The following VWDE variants were observed in gnomAD, a reference collection of about 807,000 sequenced individuals.
VWDE encodes the protein von Willebrand factor D and EGF domains.
Under a neutral mutation model 178.4 loss-of-function variants are expected in VWDE, and 207 were observed. That is an observed-to-expected ratio of 1.16 (90% CI 1.04 to 1.30). The LOEUF (loss-of-function observed/expected upper bound fraction) is 1.30, where lower values mean the gene tolerates loss of function less well. Ranked by LOEUF, VWDE falls within the 50% of genes most tolerant of loss-of-function variation. The probability of loss-of-function intolerance (pLI) is 0.00; values close to 1 mark genes in which losing one functional copy is unlikely to be tolerated. For missense variants in VWDE, 2,287 were observed against 1,901.3 expected (o/e 1.20, Z -3.77); for synonymous variants, 738 against 651.4 (o/e 1.13, Z -2.02).
Position 12,370,461 on chromosome 7 carries a change from T to A in VWDE, c.1845A>T (p.Thr615=). The A allele has an allele frequency of 6.5e-7, 1 of 1,542,602 alleles. No homozygotes were observed. The highest frequency in any genetic ancestry group is 8.7e-7 in the Non-Finnish European group (1 of 1,146,630). ...TACAATAGGATGGCTTTCCAGGTGA[T>A]GTCATAGAAACTGGCAGTGTGTCAG... The part of the protein sequence containing the change: ...SMSDTLPVSM[T]SPGKPSYCSC... Residue 615 remains threonine, a synonymous_variant, in exon 12 of 29, where the codon ACA becomes ACT. Coordinates refer to ENST00000275358, the MANE Select transcript of VWDE (RefSeq NM_001135924.3).
At chr7:12,359,714 A>G in intron 15 of VWDE, 22 bp from the exon 16 acceptor site, 2 of 1,445,630 alleles carry the variant, frequency 1.4e-6, no homozygotes, top group South Asian at 1.3e-5. Flanking sequence ...TTTTTAAAAA[A>G]GAAAACATCA....
At chr7:12,376,073 TA>T (rs1783513541) in intron 7 of VWDE, among the ~76,000 whole-genome samples, 1 of 152,116 alleles carries the variant, frequency 6.6e-6, no homozygotes, top group Admixed American at 6.6e-5. Flanking sequence ...GAAGTTATAT[TA>T]ATCAGATATA....
intron 1 of VWDE, among the ~76,000 whole-genome samples, chr7:12,403,378 A>AT (rs1785002746): frequency 6.6e-6 from 1 of 152,206 alleles, no homozygotes; most frequent in African/African-American, 2.4e-5. Context: ...AAAGAGCAGG[A>AT]TAACAGCAGG....
intron 28 of VWDE, 60 bp from the exon 29 acceptor site, chr7:12,331,257 C>T (rs1780707008): frequency 6.9e-7 from 1 of 1,448,316 alleles, no homozygotes; most frequent in Non-Finnish European, 9.4e-7. Context: ...TTAACCCTTA[C>T]TCATTATTTG....
chr7:12,389,049 A>G (rs1053051685), intron 3 of VWDE, 78 bp downstream of exon 3: 44 of 1,027,980 alleles, frequency 4.3e-5, no homozygotes, highest in Non-Finnish European at 6.1e-5. Flanking sequence ...CACTAACTCA[A>G]TACAACCTAT....
chr7:12,365,902 G>A (rs567149998), intron 13 of VWDE, among the ~76,000 whole-genome samples: 6 of 152,070 alleles, frequency 3.9e-5, no homozygotes, highest in Non-Finnish European at 7.4e-5. Context: ...CTGTGTCTCC[G>A]CCCAAATCTC....
chr7:12,385,963 T>C (rs1784076926), intron 3 of VWDE, among the ~76,000 whole-genome samples: 1 of 152,170 alleles, frequency 6.6e-6, no homozygotes, highest in Non-Finnish European at 1.5e-5. Flanking sequence ...GGAAGGGATG[T>C]CATAAAATGC....
intron 12 of VWDE, 31 bp from the exon 13 acceptor site, chr7:12,367,524 T>C: frequency 1.4e-6 from 2 of 1,432,156 alleles, no homozygotes; most frequent in Middle Eastern, 3.7e-4. Context: ...AAATACTACA[T>C]ATTTTACTTA....
At chr7:12,335,257 T>C (rs1780954214) in intron 27 of VWDE, among the ~76,000 whole-genome samples, 3 of 152,216 alleles carry the variant, frequency 2.0e-5, no homozygotes, top group Non-Finnish European at 2.9e-5. Flanking sequence ...AAGTTAATCA[T>C]TGTTAATATT....
At chr7:12,374,013 T>G (rs1037934881) in intron 9 of VWDE, among the ~76,000 whole-genome samples, 2 of 152,132 alleles carry the variant, frequency 1.3e-5, no homozygotes, top group African/African-American at 4.8e-5. Context: ...ATATTACAAT[T>G]TTTTAAGCAA....
At chr7:12,403,522 G>A (rs1785010215) in intron 1 of VWDE, 137 bp downstream of exon 1, 9 of 738,250 alleles carry the variant, frequency 1.2e-5, no homozygotes, top group Middle Eastern at 2.5e-4. Context: ...AGAGGAGGCG[G>A]GTGAGGAACA....
In VWDE at chr7:12,370,488, C is replaced by T; in HGVS notation, c.1818G>A (p.Met606Ile). The change falls in exon 12 of 29, where the codon ATG becomes ATA. Residue 606 changes from methionine to isoleucine, a missense_variant. Met to Ile is a conservative substitution (Grantham distance 10). Transcript: ENST00000275358. Reference sequence around the variant, plus strand: ...TCATAGAAACTGGCAGTGTGTCAGACATGCTTTTTCCTGGTAAAATCCTTC... The same window carrying T: ...TCATAGAAACTGGCAGTGTGTCAGATATGCTTTTTCCTGGTAAAATCCTTC... ...NEWRILPGKS[M>I]SDTLPVSMTS... The T allele has an allele frequency of 1.3e-6, 2 of 1,538,520 alleles. No homozygotes were observed. The highest frequency in any genetic ancestry group is 2.4e-5 in the South Asian group (2 of 83,506).
chr7:12,369,596 C>G lies in VWDE; in HGVS notation c.2710G>C (p.Gly904Arg). The G allele has an allele frequency of 6.4e-7, 1 of 1,550,902 alleles. No homozygotes were observed. The highest frequency in any genetic ancestry group is 1.4e-5 in the African/African-American group (1 of 73,118). The change falls in exon 12 of 29, where the codon GGG becomes CGG. Residue 904 changes from glycine (G) to arginine (R), a missense_variant. Coordinates refer to ENST00000275358, the MANE Select transcript of VWDE (RefSeq NM_001135924.3). ...CTAAAGCTTGGGGAACACGCACACC[C>G]CCATTCCATGCACTGCCCATTGCCG... is the stretch of plus-strand genomic sequence containing the variant. Reference protein sequence around the residue: ...CSGNGQCMEWGCACSPSFSSY... With the variant: ...CSGNGQCMEWRCACSPSFSSY...
Position 12,340,374 on chromosome 7 carries a change from C to T in VWDE, c.4314G>A (p.Lys1438=), listed in dbSNP as rs1388676873. Residue 1438 remains lysine, a synonymous_variant, in exon 24 of 29, where the codon AAG becomes AAA. Transcript: ENST00000275358. ...PVCLNGGSCN[K]PNTCLCPNGF... ...CATTTGGACAGAGGCAAGTATTTGGCTTATTACACGAACCACCATTGAGGC... is the reference window on the plus strand; with the variant it reads ...CATTTGGACAGAGGCAAGTATTTGGTTTATTACACGAACCACCATTGAGGC... 6.4e-6 allele frequency: 10 copies of T among 1,551,374 alleles called. No homozygotes were observed. The highest frequency in any genetic ancestry group is 8.7e-6 in the Non-Finnish European group (10 of 1,146,854).
chr7:12,358,995 A>T (rs193230230), intron 16 of VWDE, among the ~76,000 whole-genome samples: 31 of 152,296 alleles, frequency 2.0e-4, no homozygotes, highest in African/African-American at 7.5e-4. Flanking sequence ...ATAAAATTAC[A>T]TGGGGCCAGG....
chr7:12,378,424 T>C (rs1783658207), intron 6 of VWDE, among the ~76,000 whole-genome samples: 1 of 152,146 alleles, frequency 6.6e-6, no homozygotes, highest in Non-Finnish European at 1.5e-5. Context: ...ATTTCCAGAG[T>C]TGAACTTCCT....
At chr7:12,335,348 C>G (rs1221932127) in intron 27 of VWDE, among the ~76,000 whole-genome samples, 1 of 152,000 alleles carries the variant, frequency 6.6e-6, no homozygotes, top group Non-Finnish European at 1.5e-5. Flanking sequence ...AAGATTTCAT[C>G]TATGTAGAAA....
rs903769803 is a variant in VWDE at position 12,361,310 on chromosome 7, G to T, written c.3054+56C>A. The T allele has an allele frequency of 1.8e-5, 27 of 1,536,216 alleles. No individual in the cohort carries two copies. The East Asian group carries it at 2.2e-4, about 13-fold the overall frequency. ...GTTCTAAATGTTCTAAATTCATTAT[G>T]AAATGTTAAGTATTTACTTTGTTTA... On this transcript the variant is annotated intron_variant, in intron 14 of 28. Coordinates refer to ENST00000275358, the MANE Select transcript of VWDE (RefSeq NM_001135924.3).
chr7:12,351,816 G>T, intron 18 of VWDE, 103 bp from the exon 19 acceptor site: 1 of 1,010,616 alleles, frequency 9.9e-7, no homozygotes, highest in Non-Finnish European at 1.4e-6. Context: ...ATTAAACTCT[G>T]CAAATTAGAC....
Sources: gnomAD v4.1 joint callset for allele counts (sites outside exome capture counted in the v4.1 genomes callset) on GRCh38, gnomAD v4.1.1 for gene constraint, MANE v1.5 for transcripts, NCBI Gene and HGNC (gene_info 2026-07-23, HGNC 2026-07-21) for gene names.